The following CTNNA2 variants were observed in gnomAD, a reference collection of about 807,000 sequenced individuals.
The protein encoded by CTNNA2 is catenin alpha 2, also known as catenin alpha-2.
A neutral mutation model predicts 101.0 loss-of-function variants in CTNNA2; 42 were observed. That is an observed-to-expected ratio of 0.42 (90% CI 0.32 to 0.54). The LOEUF (loss-of-function observed/expected upper bound fraction) is 0.54, where lower values mean the gene tolerates loss of function less well. Ranked by LOEUF, CTNNA2 falls within the 20% of genes least tolerant of loss-of-function variation. The probability of loss-of-function intolerance (pLI) is 0.14; values close to 1 mark genes in which losing one functional copy is unlikely to be tolerated. For missense variants in CTNNA2, 871 were observed against 1,223.1 expected (o/e 0.71, Z 4.29); for synonymous variants, 450 against 456.4 (o/e 0.99, Z 0.18).
At chr2:79,224,924 G>A (rs755069878) in intron 2 of CTNNA2, among the ~76,000 whole-genome samples, 11 of 151,576 alleles carry the variant, frequency 7.3e-5, no homozygotes, top group Non-Finnish European at 1.3e-4. Context: ...AGGTTTTCAA[G>A]ACACATCCAT....
chr2:79,397,043 G>A (rs1341703472), intron 4 of CTNNA2, among the ~76,000 whole-genome samples: 1 of 152,036 alleles, frequency 6.6e-6, no homozygotes, highest in African/African-American at 2.4e-5. Flanking sequence ...ATTTCTAACA[G>A]TTTCCCAGAT....
At chr2:80,037,935 T>C (rs968008287) in intron 7 of CTNNA2, among the ~76,000 whole-genome samples, 18 of 152,214 alleles carry the variant, frequency 1.2e-4, no homozygotes, top group Non-Finnish European at 2.1e-4. Context: ...GTGTGAAATA[T>C]AGTAAATGTT....
chr2:80,338,835 T>C (rs577057275), intron 7 of CTNNA2, among the ~76,000 whole-genome samples: 4 of 152,098 alleles, frequency 2.6e-5, no homozygotes, highest in African/African-American at 4.8e-5. Flanking sequence ...CCAGGCAGGA[T>C]AGGGGGACTC....
At chr2:80,180,750 C>T (rs1016656640) in intron 7 of CTNNA2, among the ~76,000 whole-genome samples, 7 of 152,174 alleles carry the variant, frequency 4.6e-5, no homozygotes, top group Admixed American at 1.3e-4. Flanking sequence ...TAAATTGACT[C>T]GTCTATCCCA....
intron 4 of CTNNA2, among the ~76,000 whole-genome samples, chr2:79,392,700 T>C (rs1322127220): frequency 6.6e-6 from 1 of 152,176 alleles, no homozygotes; most frequent in African/African-American, 2.4e-5. Context: ...TACTCAACTA[T>C]TCATGAATAC....
chr2:79,697,430 T>A (rs191702194), intron 2 of CTNNA2, among the ~76,000 whole-genome samples: 1 of 152,166 alleles, frequency 6.6e-6, no homozygotes, highest in East Asian at 1.9e-4. Flanking sequence ...AGCCATCAAG[T>A]TTAGCTCCTT....
chr2:79,412,462 A>G (rs1678426074), intron 4 of CTNNA2, among the ~76,000 whole-genome samples: 1 of 151,900 alleles, frequency 6.6e-6, no homozygotes, highest in Non-Finnish European at 1.5e-5. Flanking sequence ...GCACCACACC[A>G]CACCTATTCC....
intron 2 of CTNNA2, among the ~76,000 whole-genome samples, chr2:79,737,445 A>T (rs1279965015): frequency 6.6e-6 from 1 of 152,150 alleles, no homozygotes; most frequent in South Asian, 2.1e-4. Flanking sequence ...TTTATTATCC[A>T]TACAAATCTT....
chr2:80,227,690 C>G (rs1050782645), intron 7 of CTNNA2, among the ~76,000 whole-genome samples: 3 of 152,158 alleles, frequency 2.0e-5, no homozygotes, highest in Non-Finnish European at 4.4e-5. Context: ...AGCTGTCCTG[C>G]TGTGGTTTTG....
At chr2:79,504,306 T>C (rs1258710875) in intron 4 of CTNNA2, among the ~76,000 whole-genome samples, 1 of 152,146 alleles carries the variant, frequency 6.6e-6, no homozygotes, top group Non-Finnish European at 1.5e-5. Context: ...GTTTGTTTTG[T>C]TTTGACGGAA....
At chr2:80,075,915 T>A (rs1698718034) in intron 7 of CTNNA2, among the ~76,000 whole-genome samples, 1 of 151,638 alleles carries the variant, frequency 6.6e-6, no homozygotes, top group African/African-American at 2.4e-5. Flanking sequence ...TACTCATCAC[T>A]AGTTACAAGC....
chr2:79,629,137 G>A (rs896172716), intron 1 of CTNNA2, among the ~76,000 whole-genome samples: 3 of 151,974 alleles, frequency 2.0e-5, no homozygotes, highest in Non-Finnish European at 2.9e-5. Context: ...ATTGGCCCTC[G>A]TGTGGTTTCC....
At chr2:80,536,727 C>G (rs563855105) in intron 9 of CTNNA2, among the ~76,000 whole-genome samples, 1 of 152,312 alleles carries the variant, frequency 6.6e-6, no homozygotes, top group African/African-American at 2.4e-5. Context: ...CTCAGCCTTC[C>G]AGGCATTTTG....
chr2:80,186,537 T>G (rs1706140330), intron 7 of CTNNA2, among the ~76,000 whole-genome samples: 1 of 152,220 alleles, frequency 6.6e-6, no homozygotes, highest in African/African-American at 2.4e-5. Flanking sequence ...GCATGGTTAT[T>G]ATTAGCTCAT....
At chr2:79,982,859 ATCTC>A (rs896376611) in intron 7 of CTNNA2, among the ~76,000 whole-genome samples, 7 of 151,234 alleles carry the variant, frequency 4.6e-5, no homozygotes, top group Admixed American at 6.6e-5. Context: ...ACTTTCCTCT[ATCTC>A]TCTTTCAAAT....
chr2:80,200,648 G>A (rs1707141913), intron 7 of CTNNA2, among the ~76,000 whole-genome samples: 1 of 152,028 alleles, frequency 6.6e-6, no homozygotes. Context: ...CAATTCTCCT[G>A]CCTTAGCCTC....
intron 2 of CTNNA2, among the ~76,000 whole-genome samples, chr2:79,686,795 TG>T (rs1328326790): frequency 1.3e-5 from 2 of 152,264 alleles, no homozygotes; most frequent in Non-Finnish European, 2.9e-5. Context: ...CCTGATGATG[TG>T]GGTGTCCCAA....
chr2:79,424,223 C>T lies in CTNNA2; in HGVS notation c.-135+50210C>T, dbSNP rs191875188. On this transcript the variant is annotated intron_variant, in intron 4 of 21. Transcript: ENST00000466387. ...GTCATTTGCCGTAACCTCATGCCTACGATATATTCTGGTTTTATCTACTAG... is the reference window on the plus strand; with the variant it reads ...GTCATTTGCCGTAACCTCATGCCTATGATATATTCTGGTTTTATCTACTAG... Among the ~76,000 whole-genome samples the T allele has an allele frequency of 1.9e-4, 29 of 152,156 alleles. 1 individual carries two copies. The highest frequency in any genetic ancestry group is 9.8e-4 in the Admixed American group (15 of 15,274).
At chr2:79,805,853 G>A (rs963309707) in intron 3 of CTNNA2, among the ~76,000 whole-genome samples, 7 of 151,974 alleles carry the variant, frequency 4.6e-5, no homozygotes, top group Non-Finnish European at 8.8e-5. Context: ...CAGGAGAATG[G>A]CGTGAACCTG....
Sources: allele counts gnomAD v4.1 joint callset (sites outside exome capture counted in the v4.1 genomes callset), GRCh38; gene constraint gnomAD v4.1.1; transcripts MANE v1.5; gene names NCBI Gene and HGNC (gene_info 2026-07-23, HGNC 2026-07-21).